Variants in HKDC1 observed in about 807,000 individuals in gnomAD.
HKDC1 encodes hexokinase domain containing 1, also known as hexokinase HKDC1.
HKDC1 carries 66 observed loss-of-function variants against 96.6 expected under a neutral mutation model. The ratio of observed to expected loss-of-function variants is 0.68; its 90% confidence interval spans 0.56 to 0.84. HKDC1 has a LOEUF of 0.84. Ranked by LOEUF, HKDC1 falls within the 40% of genes least tolerant of loss-of-function variation. HKDC1 has a pLI of 0.00. For missense variants in HKDC1, 1,211 were observed against 1,208.1 expected (o/e 1.00, Z -0.04); for synonymous variants, 466 against 473.1 (o/e 0.98, Z 0.20).
At chr10:69,266,476 A>AG (rs1317585317) in intron 17 of HKDC1, 134 bp from the exon 18 acceptor site, 1 of 937,340 alleles carries the variant, frequency 1.1e-6, no homozygotes, top group Non-Finnish European at 1.5e-6. Flanking sequence ...AAAAAAAAAA[A>AG]AATTAGAAGA....
At position 69,248,691 on chromosome 10, in the gene HKDC1, G is replaced by A. The variant is rs1348643926; in HGVS notation, c.1533G>A (p.Met511Ile). 2.5e-6 allele frequency: 4 copies of A among 1,613,206 alleles called. No homozygotes were observed. Among genetic ancestry groups the A allele is most frequent in the Non-Finnish European group, 3.4e-6 (4 of 1,179,488 alleles). ...GCCACGGGCTGGCCACGGTCAGGAT[G>A]CTGCCCACCTACGTCTGCGGGCTGC... ...KKSHGLATVR[M>I]LPTYVCGLPD... The change falls in exon 10 of 18, where the codon ATG becomes ATA. Residue 511 changes from methionine (M) to isoleucine (I), a missense_variant. Transcript: ENST00000354624.
chr10:69,260,648 A>T (rs1843791136), intron 15 of HKDC1, among the ~76,000 whole-genome samples: 1 of 152,246 alleles, frequency 6.6e-6, no homozygotes, highest in South Asian at 2.1e-4. Flanking sequence ...GTTAATGATG[A>T]TGTGTGTCAC....
chr10:69,227,927 A>G (rs1374268657), intron 2 of HKDC1, among the ~76,000 whole-genome samples: 1 of 152,244 alleles, frequency 6.6e-6, no homozygotes, highest in African/African-American at 2.4e-5. Context: ...TGTCACTCTC[A>G]GTGACCTGAG....
rs775270475 is a variant in HKDC1, at chr10:69,220,404, G to A, written c.-32G>A. 3.2e-6 allele frequency: 5 copies of A among 1,559,642 alleles called. No individual in the cohort carries two copies. In the East Asian group the frequency reaches 1.2e-4, roughly 36 times the overall value. On this transcript the variant is annotated 5_prime_UTR_variant, in exon 1 of 18. Coordinates refer to ENST00000354624, the MANE Select transcript of HKDC1 (RefSeq NM_025130.4). ...GAGTGAACACTGCACAGGAATCTCT[G>A]CCCATCTCAGGAGAAACCAAACTTG...
chr10:69,247,531 G>A lies in HKDC1; in HGVS notation c.1203G>A (p.Lys401=), dbSNP rs144349538. ...AAILTRLREN[K]KVERLRTTVG... ...TCCTGACACGCCTCCGGGAGAACAAGAAGGTGGAACGGCTCCGGACCACAG... is the reference window on the plus strand; with the variant it reads ...TCCTGACACGCCTCCGGGAGAACAAAAAGGTGGAACGGCTCCGGACCACAG... The change falls in exon 9 of 18, where the codon AAG becomes AAA. Residue 401 remains lysine (K), a synonymous_variant. Transcript: ENST00000354624. 6.2e-7 allele frequency: 1 copy of A among 1,614,044 alleles called. No homozygotes were observed. Among genetic ancestry groups the A allele is most frequent in the Admixed American group, 1.7e-5 (1 of 59,998 alleles).
chr10:69,233,005 T>C lies in HKDC1; in HGVS notation c.376-9T>C. On this transcript the variant is annotated splice_polypyrimidine_tract_variant and intron_variant, in intron 3 of 17. Transcript: ENST00000354624. ...TTAGCCCATGTACTTTGCTTTCTCT[T>C]CTCTGCAGCTGTTTGAATATGTAGC... 1 of 1,613,884 alleles carries C rather than the reference T, an allele frequency of 6.2e-7. No homozygotes were observed. Among genetic ancestry groups the C allele is most frequent in the Non-Finnish European group, 8.5e-7 (1 of 1,180,044 alleles).
At chr10:69,261,456 G>A (rs762750504) in intron 16 of HKDC1, 162 bp downstream of exon 16, 23 of 630,214 alleles carry the variant, frequency 3.6e-5, no homozygotes, top group East Asian at 5.6e-5. Flanking sequence ...ATTCAGGATC[G>A]CTTTCAACAA....
Position 69,250,536 on chromosome 10 carries a change from T to G in HKDC1, c.1720T>G (p.Phe574Val). The change falls in exon 12 of 18, where the codon TTT (phenylalanine) becomes GTT (valine). Residue 574 changes from phenylalanine to valine, a missense_variant. Coordinates refer to ENST00000354624, the MANE Select transcript of HKDC1 (RefSeq NM_025130.4). Reference sequence around the variant, plus strand: ...GCCGCTCTCTCTCTCTCTGCAGCTCTTTGATCACATTGTGCAGTGCATCGC... The same window carrying G: ...GCCGCTCTCTCTCTCTCTGCAGCTCGTTGATCACATTGTGCAGTGCATCGC... ...EIMQGTGEEL[F>V]DHIVQCIADF... The G allele has an allele frequency of 6.2e-7, 1 of 1,614,138 alleles. No homozygotes were observed. The highest frequency in any genetic ancestry group is 1.1e-5 in the South Asian group (1 of 91,084).
Position 69,250,415 on chromosome 10 carries a change from A to C in HKDC1, c.1696A>C (p.Met566Leu), listed in dbSNP as rs1372210240. The C allele has an allele frequency of 6.2e-7, 1 of 1,613,854 alleles. No homozygotes were observed. Among genetic ancestry groups the C allele is most frequent in the Non-Finnish European group, 8.5e-7 (1 of 1,179,734 alleles). ...GATCTTCGCCATCCCCCTGGAGATCATGCAGGGCACTGGTGAGGAGGTAAG... is the reference window on the plus strand; with the variant it reads ...GATCTTCGCCATCCCCCTGGAGATCCTGCAGGGCACTGGTGAGGAGGTAAG... ...NKIFAIPLEI[M>L]QGTGEELFDH... The change falls in exon 11 of 18, where the codon ATG (methionine) becomes CTG (leucine). Residue 566 changes from methionine (M) to leucine (L), a missense_variant. By Grantham distance (15) the Met-to-Leu change is conservative. Transcript: ENST00000354624.
intron 1 of HKDC1, chr10:69,222,826 GC>G (rs1404283235): frequency 6.6e-6 from 1 of 152,214 alleles, no homozygotes; most frequent in Non-Finnish European, 1.5e-5. Flanking sequence ...TGGCTGCTGG[GC>G]TGAGTCATGG....
chr10:69,236,468 T>A (rs10998659), intron 4 of HKDC1, among the ~76,000 whole-genome samples: 52,823 of 150,950 alleles, frequency 0.35, 10,337 homozygotes, highest in South Asian at 0.47. Context: ...AAATTTAAAC[T>A]AAGGAAGGGC....
intron 1 of HKDC1, among the ~76,000 whole-genome samples, chr10:69,225,338 A>G (rs924107479): frequency 6.6e-6 from 1 of 152,042 alleles, no homozygotes; most frequent in Non-Finnish European, 1.5e-5. Flanking sequence ...CCCAACCCCA[A>G]TTACTTGGGT....
rs572858485 is a variant in HKDC1 at position 69,254,219 on chromosome 10, C to T, written c.1837-2817C>T. Among the ~76,000 whole-genome samples, 30 of 152,210 alleles carry T rather than the reference C, an allele frequency of 2.0e-4. 1 individual carries two copies. The highest frequency in any genetic ancestry group is 3.4e-3 in the Middle Eastern group (1 of 294). On this transcript the variant is annotated intron_variant, in intron 12 of 17. Transcript: ENST00000354624. ...ATTTGGGTGGCTGAGGCAGGAGAATCGCTAGAACTCAGGAGGTGGAGGTTG... is the reference window on the plus strand; with the variant it reads ...ATTTGGGTGGCTGAGGCAGGAGAATTGCTAGAACTCAGGAGGTGGAGGTTG...
chr10:69,241,638 C>A (rs1048726755), intron 6 of HKDC1, among the ~76,000 whole-genome samples: 24 of 152,142 alleles, frequency 1.6e-4, no homozygotes, highest in African/African-American at 5.8e-4. Context: ...TGCCCACCAC[C>A]ACGGCTGGCC....
chr10:69,254,854 A>C (rs1030526117), intron 12 of HKDC1, among the ~76,000 whole-genome samples: 6 of 152,248 alleles, frequency 3.9e-5, no homozygotes, highest in African/African-American at 1.4e-4. Context: ...GGGAAAAAGA[A>C]AAAAATACTA....
At chr10:69,228,027 T>A (rs1843189539) in intron 2 of HKDC1, among the ~76,000 whole-genome samples, 1 of 152,178 alleles carries the variant, frequency 6.6e-6, no homozygotes, top group Non-Finnish European at 1.5e-5. Flanking sequence ...ATTACTACAA[T>A]CACAGTGGCT....
At chr10:69,240,620 C>G (rs977601001) in intron 5 of HKDC1, 32 bp from the exon 6 acceptor site, 1 of 1,582,310 alleles carries the variant, frequency 6.3e-7, no homozygotes, top group Admixed American at 1.7e-5. Flanking sequence ...TCCTTCCCAC[C>G]CGCTGATTCC....
chr10:69,232,525 T>C (rs1843282018), intron 2 of HKDC1: 4 of 547,000 alleles, frequency 7.3e-6, no homozygotes, highest in Non-Finnish European at 1.3e-5. Context: ...TCCTACAGCA[T>C]GAGCCAGTGG....
chr10:69,263,978 G>A (rs1371912081), intron 16 of HKDC1, among the ~76,000 whole-genome samples: 4 of 152,164 alleles, frequency 2.6e-5, no homozygotes, highest in Admixed American at 2.6e-4. Context: ...TAGCCAACAT[G>A]GTGAAACTCT....
Sources: allele counts gnomAD v4.1 joint callset (sites outside exome capture counted in the v4.1 genomes callset), GRCh38; gene constraint gnomAD v4.1.1; transcripts MANE v1.5; gene names NCBI Gene and HGNC (gene_info 2026-07-23, HGNC 2026-07-21).